Variants in METTL6 observed in about 807,000 individuals in gnomAD.
METTL6 encodes the protein methyltransferase 6, tRNA N3-cytidine, also known as tRNA N(3)-cytidine methyltransferase METTL6.
METTL6 carries 22 observed loss-of-function variants against 26.4 expected under a neutral mutation model. That is an observed-to-expected ratio of 0.83 (90% CI 0.59 to 1.19). METTL6 has a LOEUF of 1.19. Among genes scored for constraint, METTL6 ranks in the 50% most tolerant of loss-of-function variants. METTL6 has a pLI of 0.00. For missense variants in METTL6, 304 were observed against 324.8 expected, an observed-to-expected ratio of 0.94 and a Z score of 0.49; for synonymous variants, 109 against 116.2, an observed-to-expected ratio of 0.94 and a Z score of 0.40.
chr3:15,418,671 A>G (rs549041166), intron 3 of METTL6, among the ~76,000 whole-genome samples: 1 of 152,286 alleles, frequency 6.6e-6, no homozygotes, highest in African/African-American at 2.4e-5. Flanking sequence ...AAAAAACATA[A>G]CCAAAATTAT....
chr3:15,400,330 C>A (rs1699608064), intron 6 of METTL6, among the ~76,000 whole-genome samples: 1 of 152,136 alleles, frequency 6.6e-6, no homozygotes. Context: ...CAAGATGGTA[C>A]ACACACTGGC....
chr3:15,406,673 G>T (rs1699810943), downstream of METTL6, among the ~76,000 whole-genome samples: 1 of 140,838 alleles, frequency 7.1e-6, no homozygotes, highest in African/African-American at 2.7e-5. Context: ...GAGAGATGGA[G>T]TCTCACTCTG....
chr3:15,397,146 C>T (rs1699510540), intron 6 of METTL6, among the ~76,000 whole-genome samples: 1 of 152,228 alleles, frequency 6.6e-6, no homozygotes, highest in Non-Finnish European at 1.5e-5. Flanking sequence ...TTTGAGCTTC[C>T]CAACCGCTTT....
At chr3:15,392,978 G>A (rs921388636) in intron 6 of METTL6, among the ~76,000 whole-genome samples, 4 of 152,220 alleles carry the variant, frequency 2.6e-5, no homozygotes, top group South Asian at 2.1e-4. Flanking sequence ...TTGGCAATGC[G>A]GGCTCTTTTT....
chr3:15,402,031 C>T (rs1264476802), intron 6 of METTL6, among the ~76,000 whole-genome samples: 2 of 152,186 alleles, frequency 1.3e-5, no homozygotes, highest in East Asian at 3.8e-4. Flanking sequence ...CAAGAACCCT[C>T]TCTTGGGGTC....
chr3:15,421,206 C>T (rs2061604838), intron 3 of METTL6, among the ~76,000 whole-genome samples: 1 of 152,156 alleles, frequency 6.6e-6, no homozygotes, highest in Admixed American at 6.5e-5. Context: ...TATTATTTTG[C>T]AACACCTAAG....
At chr3:15,395,251 T>C (rs1699455408) in intron 6 of METTL6, among the ~76,000 whole-genome samples, 1 of 152,248 alleles carries the variant, frequency 6.6e-6, no homozygotes, top group African/African-American at 2.4e-5. Flanking sequence ...TACCATTATG[T>C]AATGGCCTTC....
chr3:15,404,298 C>G (rs960977243), intron 6 of METTL6, among the ~76,000 whole-genome samples: 21 of 152,064 alleles, frequency 1.4e-4, no homozygotes, highest in Admixed American at 6.6e-5. Context: ...TGAAATACCA[C>G]ACATTTGAGG....
At chr3:15,401,257 T>C (rs1056439979) in intron 6 of METTL6, among the ~76,000 whole-genome samples, 3 of 151,800 alleles carry the variant, frequency 2.0e-5, no homozygotes, top group African/African-American at 7.3e-5. Flanking sequence ...GCCAGGATGG[T>C]CTCGATCTCC....
chr3:15,395,979 T>C (rs1320237826), intron 6 of METTL6, among the ~76,000 whole-genome samples: 1 of 152,090 alleles, frequency 6.6e-6, no homozygotes, highest in African/African-American at 2.4e-5. Flanking sequence ...TGTCTTGGAG[T>C]TGCTCTTCTC....
chr3:15,388,848 G>GT (rs1274168825), intron 6 of METTL6, among the ~76,000 whole-genome samples: 1 of 152,194 alleles, frequency 6.6e-6, no homozygotes, highest in African/African-American at 2.4e-5. Flanking sequence ...TTCTCCCAAA[G>GT]TTAGTTCAGC....
Position 15,411,970 on chromosome 3 carries a change from G to A in METTL6, c.674-533C>T, listed in dbSNP as rs376094123. Reference sequence around the variant, plus strand: ...AGTAGAGACAGGGTTTCGCCATGTTGGCCAGGCTGGTCTCAAACCCCTGAC... The same window carrying A: ...AGTAGAGACAGGGTTTCGCCATGTTAGCCAGGCTGGTCTCAAACCCCTGAC... On this transcript the variant is annotated intron_variant, in intron 5 of 5. Coordinates refer to ENST00000383790, the MANE Select transcript of METTL6 (RefSeq NM_152396.4). Among the ~76,000 whole-genome samples, 5 of 152,114 alleles carry A rather than the reference G, an allele frequency of 3.3e-5. No individual in the cohort carries two copies. The East Asian group carries it at 9.6e-4, about 29-fold the overall frequency.
exon 7 of METTL6, chr3:15,383,376 A>AT (rs1317930401): frequency 6.6e-6 from 1 of 151,284 alleles, no homozygotes; most frequent in Non-Finnish European, 1.5e-5. Flanking sequence ...ACAATAATGA[A>AT]TTTTTTAAAT....
downstream of METTL6, among the ~76,000 whole-genome samples, chr3:15,408,867 T>C (rs1351938827): frequency 6.6e-6 from 1 of 152,096 alleles, no homozygotes; most frequent in Non-Finnish European, 1.5e-5. Flanking sequence ...TCAGACCTAG[T>C]AGAGACACAG....
rs903499967 is a variant in METTL6 at position 15,410,579 on chromosome 3, G to A, written c.*677C>T. Among the ~76,000 whole-genome samples, 8 of 152,138 alleles carry A rather than the reference G, an allele frequency of 5.3e-5. No individual in the cohort carries two copies. The highest frequency in any genetic ancestry group is 1.9e-4 in the African/African-American group (8 of 41,428). On this transcript the variant is annotated 3_prime_UTR_variant, in exon 6 of 6. Transcript: ENST00000383790. Reference sequence around the variant, plus strand: ...GCTGGCCTTGGCCTCTCAAAGTGCTGGGGTTATAGGCATGAGCCTATAACC... The same window carrying A: ...GCTGGCCTTGGCCTCTCAAAGTGCTAGGGTTATAGGCATGAGCCTATAACC...
At chr3:15,404,509 ATTT>A (rs34073251) in intron 6 of METTL6, among the ~76,000 whole-genome samples, 6 of 133,280 alleles carry the variant, frequency 4.5e-5, no homozygotes, top group Non-Finnish European at 3.2e-5. Context: ...TGCCCAGCTA[ATTT>A]TTTTTTTTTT....
intron 5 of METTL6, among the ~76,000 whole-genome samples, chr3:15,412,375 A>G (rs1700005519): frequency 6.6e-6 from 1 of 152,212 alleles, no homozygotes; most frequent in African/African-American, 2.4e-5. Flanking sequence ...GCTCTGAAGC[A>G]CTCTGCAGAT....
At chr3:15,406,581 AAC>A (rs1239023945), downstream of METTL6, among the ~76,000 whole-genome samples, 3 of 114,066 alleles carry the variant, frequency 2.6e-5, no homozygotes, top group South Asian at 3.1e-4. Flanking sequence ...AAAAAAAACA[AAC>A]AGTTATATAT....
intron 3 of METTL6, 148 bp downstream of exon 3, chr3:15,424,807 G>A (rs947687249): frequency 1.1e-6 from 1 of 948,654 alleles, no homozygotes; most frequent in Admixed American, 2.7e-5. Flanking sequence ...CACTGTATAT[G>A]TATGTAAGCA....
Sources: gnomAD v4.1 joint callset for allele counts (sites outside exome capture counted in the v4.1 genomes callset) on GRCh38, gnomAD v4.1.1 for gene constraint, MANE v1.5 for transcripts, NCBI Gene and HGNC (gene_info 2026-07-23, HGNC 2026-07-21) for gene names.